The following BCL2L1 variants were observed in gnomAD, a reference collection of about 807,000 sequenced individuals.
The protein encoded by BCL2L1 is bcl-2-like protein 1.
A neutral mutation model predicts 18.7 loss-of-function variants in BCL2L1; 1 was observed. The ratio of observed to expected loss-of-function variants is 0.05; its 90% CI spans 0.02 to 0.25. The LOEUF is 0.25. BCL2L1 is among the 10% of genes least tolerant of loss of function. The pLI is 1.00. For missense variants in BCL2L1, 207 were observed against 304.9 expected, an observed-to-expected ratio of 0.68 and a Z score of 2.39; for synonymous variants, 103 against 122.7, an observed-to-expected ratio of 0.84 and a Z score of 1.06.
intron 2 of BCL2L1, among the ~76,000 whole-genome samples, chr20:31,669,607 T>G (rs1273641074): frequency 6.6e-6 from 1 of 151,768 alleles, no homozygotes; most frequent in Non-Finnish European, 1.5e-5. Context: ...GCCTAGCTAA[T>G]TTTTGTATTT....
intron 2 of BCL2L1, among the ~76,000 whole-genome samples, chr20:31,698,770 G>A (rs188863057): frequency 1.5e-4 from 23 of 152,012 alleles, no homozygotes; most frequent in Admixed American, 1.3e-3. Flanking sequence ...AAACTCCTAA[G>A]CTCAAGCAAT....
chr20:31,706,738 A>T (rs1193095130), intron 2 of BCL2L1, among the ~76,000 whole-genome samples: 1 of 152,270 alleles, frequency 6.6e-6, no homozygotes, highest in Non-Finnish European at 1.5e-5. Context: ...GAATGAATGA[A>T]TGACACAGCT....
At chr20:31,698,928 T>G (rs2061234441) in intron 2 of BCL2L1, among the ~76,000 whole-genome samples, 1 of 151,474 alleles carries the variant, frequency 6.6e-6, no homozygotes, top group Non-Finnish European at 1.5e-5. Context: ...ATGTAAGCAG[T>G]TTTTTTTTGT....
At chr20:31,704,547 C>T (rs2061341031) in intron 2 of BCL2L1, among the ~76,000 whole-genome samples, 3 of 152,186 alleles carry the variant, frequency 2.0e-5, no homozygotes, top group African/African-American at 7.2e-5. Context: ...ATTAGAGTGA[C>T]TGAAGAGCTT....
intron 2 of BCL2L1, among the ~76,000 whole-genome samples, chr20:31,712,872 G>A (rs1600917455): frequency 6.6e-6 from 1 of 152,270 alleles, no homozygotes; most frequent in East Asian, 1.9e-4. Context: ...TCCCCTCCCA[G>A]GCCAGCTCCC....
At chr20:31,696,949 G>A (rs567457677) in intron 2 of BCL2L1, among the ~76,000 whole-genome samples, 5 of 151,626 alleles carry the variant, frequency 3.3e-5, no homozygotes, top group South Asian at 2.1e-4. Flanking sequence ...CCAGCTACTC[G>A]GGAGGCTGAG....
intron 2 of BCL2L1, among the ~76,000 whole-genome samples, chr20:31,667,169 G>GT (rs2060600442): frequency 6.6e-6 from 1 of 152,216 alleles, no homozygotes; most frequent in Middle Eastern, 3.4e-3. Flanking sequence ...TAAGAAAGAA[G>GT]TAAGTTCCAG....
At chr20:31,701,130 T>C (rs558793597) in intron 2 of BCL2L1, among the ~76,000 whole-genome samples, 81 of 152,288 alleles carry the variant, frequency 5.3e-4, no homozygotes, top group African/African-American at 1.9e-3. Flanking sequence ...CTCAGCTCAC[T>C]GCAACCTCCG....
chr20:31,717,311 C>T (rs759754808), intron 2 of BCL2L1, among the ~76,000 whole-genome samples: 1 of 152,200 alleles, frequency 6.6e-6, no homozygotes, highest in African/African-American at 2.4e-5. Flanking sequence ...GAGATAACAA[C>T]TGCTGTTTCA....
At chr20:31,714,724 A>G (rs1049204809) in intron 2 of BCL2L1, among the ~76,000 whole-genome samples, 1 of 152,226 alleles carries the variant, frequency 6.6e-6, no homozygotes. Context: ...GAAGAGGACC[A>G]TTCATCAGAA....
chr20:31,700,900 G>A (rs773269366), intron 2 of BCL2L1, among the ~76,000 whole-genome samples: 36 of 152,152 alleles, frequency 2.4e-4, no homozygotes, highest in Non-Finnish European at 4.1e-4. Flanking sequence ...GACTGGAGAG[G>A]GGTCTAGGCT....
intron 2 of BCL2L1, among the ~76,000 whole-genome samples, chr20:31,702,941 C>CAA (rs2061305450): frequency 1.4e-5 from 2 of 142,152 alleles, no homozygotes; most frequent in Admixed American, 7.0e-5. Flanking sequence ...GGCAAGACTC[C>CAA]ATCTCAAAAA....
intron 2 of BCL2L1, among the ~76,000 whole-genome samples, chr20:31,701,333 T>C (rs2061274368): frequency 6.6e-6 from 1 of 152,234 alleles, no homozygotes; most frequent in African/African-American, 2.4e-5. Context: ...ATTACAGGCG[T>C]GAGCCACCAC....
At chr20:31,720,596 G>A in intron 2 of BCL2L1, 3 of 985,434 alleles carry the variant, frequency 3.0e-6, no homozygotes, top group African/African-American at 3.5e-5. Flanking sequence ...TCCCTCCCTG[G>A]AAAGGGAATT....
At chr20:31,706,630 A>G (rs1289380118) in intron 2 of BCL2L1, among the ~76,000 whole-genome samples, 1 of 152,192 alleles carries the variant, frequency 6.6e-6, no homozygotes, top group African/African-American at 2.4e-5. Context: ...CACTTTATAG[A>G]TCTTCAGGTT....
At chr20:31,713,256 C>T in intron 2 of BCL2L1, 3 of 984,616 alleles carry the variant, frequency 3.0e-6, no homozygotes, top group Non-Finnish European at 3.6e-6. Context: ...CCTGGCAGAA[C>T]CAAGTAGAAA....
At chr20:31,689,809 A>G (rs933615306) in intron 2 of BCL2L1, among the ~76,000 whole-genome samples, 8 of 152,258 alleles carry the variant, frequency 5.3e-5, no homozygotes, top group African/African-American at 1.9e-4. Flanking sequence ...TGAGGTTGGG[A>G]GTTCAAGACC....
intron 2 of BCL2L1, among the ~76,000 whole-genome samples, chr20:31,713,002 C>A (rs1195510331): frequency 6.6e-6 from 1 of 152,096 alleles, no homozygotes; most frequent in Non-Finnish European, 1.5e-5. Flanking sequence ...TTCCAAGAGG[C>A]AGGATTTATA....
At chr20:31,690,703 T>C (rs1228005719) in intron 2 of BCL2L1, among the ~76,000 whole-genome samples, 1 of 152,022 alleles carries the variant, frequency 6.6e-6, no homozygotes, top group African/African-American at 2.4e-5. Flanking sequence ...CCCAAGGAGC[T>C]GGGATTACAG....
Sources: gnomAD v4.1 joint callset for allele counts (sites outside exome capture counted in the v4.1 genomes callset) on GRCh38, gnomAD v4.1.1 for gene constraint, MANE v1.5 for transcripts, NCBI Gene and HGNC (gene_info 2026-07-23, HGNC 2026-07-21) for gene names.